The following DIPK2B variants were observed in gnomAD, a reference collection of about 807,000 sequenced individuals.
DIPK2B encodes the protein divergent protein kinase domain 2B, also known as UPF0672 protein CXorf36.
DIPK2B carries 15 observed loss-of-function variants against 22.2 expected under a neutral mutation model. The observed-to-expected ratio is 0.68, with a 90% CI of 0.45 to 1.04. The LOEUF (loss-of-function observed/expected upper bound fraction) is 1.04, where lower values mean the gene tolerates loss of function less well. Among genes scored for constraint, DIPK2B ranks in the 50% least tolerant of loss-of-function variants. The pLI, the probability that DIPK2B is intolerant of heterozygous loss-of-function variation, is 0.00. For missense variants in DIPK2B, 345 were observed against 348.3 expected (o/e 0.99, Z 0.08); for synonymous variants, 163 against 153.2 (o/e 1.06, Z -0.47).
At chrX:45,172,935 G>A (rs1407656137) in intron 2 of DIPK2B, among the ~76,000 whole-genome samples, 2 of 111,491 alleles carry the variant, frequency 1.8e-5, no homozygotes, top group African/African-American at 3.3e-5. Flanking sequence ...CTTCTGCTGT[G>A]CAAAGCTCCT....
intron 1 of DIPK2B, among the ~76,000 whole-genome samples, chrX:45,199,166 A>T (rs751509015): frequency 1.9e-4 from 21 of 112,321 alleles, no homozygotes; most frequent in Admixed American, 1.5e-3. Flanking sequence ...TCCATAAAAT[A>T]CCTCACAAAA....
intron 2 of DIPK2B, chrX:45,164,116 G>A: frequency 9.1e-7 from 1 of 1,093,589 alleles, no homozygotes; most frequent in Non-Finnish European, 1.2e-6. Context: ...TGAAAATGTG[G>A]TTGGTATAAC....
intron 2 of DIPK2B, among the ~76,000 whole-genome samples, chrX:45,172,348 C>G (rs923249762): frequency 1.8e-5 from 2 of 111,666 alleles, no homozygotes; most frequent in Non-Finnish European, 3.8e-5. Flanking sequence ...CACACAGTGT[C>G]ATGCATGGTA....
chrX:45,151,585 C>T lies in DIPK2B; in HGVS notation c.*67G>A, dbSNP rs766487196. The T allele has an allele frequency of 9.6e-7, 1 of 1,045,892 alleles. No homozygotes were observed. 86.2% of individuals were successfully genotyped at this position (1,045,892 alleles called of 1,213,427 possible). ...AAAAGAGCTGCTTCTTTCTACCTTG[C>T]AGCAACCCGACTGGGAGAATGGAGA... On this transcript the variant is annotated 3_prime_UTR_variant, in exon 5 of 5. Coordinates refer to ENST00000398000, the MANE Select transcript of DIPK2B (RefSeq NM_176819.4).
intron 1 of DIPK2B, among the ~76,000 whole-genome samples, chrX:45,199,875 G>A (rs1045469310): frequency 1.8e-5 from 2 of 111,206 alleles, no homozygotes; most frequent in Non-Finnish European, 3.8e-5. Flanking sequence ...AATTCCAAGT[G>A]TGATGCCATT....
intron 2 of DIPK2B, among the ~76,000 whole-genome samples, chrX:45,185,384 G>A (rs141327305): frequency 4.7e-4 from 52 of 111,245 alleles, no homozygotes; most frequent in African/African-American, 1.2e-3. Flanking sequence ...GGGCTTGATT[G>A]GTAACATCTA....
chrX:45,199,456 AC>A (rs1755518935), intron 1 of DIPK2B, among the ~76,000 whole-genome samples: 1 of 110,116 alleles, frequency 9.1e-6, no homozygotes, highest in South Asian at 3.9e-4. Flanking sequence ...GCAATTAAAG[AC>A]CCCCTGCCCC....
At chrX:45,183,215 G>A (rs768226223) in intron 2 of DIPK2B, 38 of 112,058 alleles carry the variant, frequency 3.4e-4, no homozygotes, top group African/African-American at 1.1e-3. Flanking sequence ...ATGAAGGCCC[G>A]ATTTTCATTT....
chrX:45,156,489 G>A (rs747901734), intron 3 of DIPK2B, among the ~76,000 whole-genome samples: 54 of 112,184 alleles, frequency 4.8e-4, no homozygotes, highest in African/African-American at 1.7e-3. Context: ...ATCTGTGAGA[G>A]TGCAGGACAA....
chrX:45,190,781 A>G (rs1257359092), intron 2 of DIPK2B, among the ~76,000 whole-genome samples: 3 of 112,364 alleles, frequency 2.7e-5, no homozygotes, highest in Non-Finnish European at 5.6e-5. Context: ...GTGACACAAG[A>G]TGTACTCATA....
intron 2 of DIPK2B, among the ~76,000 whole-genome samples, chrX:45,185,330 G>A (rs933037917): frequency 8.9e-6 from 1 of 112,026 alleles, no homozygotes; most frequent in Non-Finnish European, 1.9e-5. Flanking sequence ...GATATCAAAG[G>A]AAGAATTGTA....
intron 2 of DIPK2B, among the ~76,000 whole-genome samples, chrX:45,164,810 G>A (rs190126415): frequency 8.9e-6 from 1 of 112,001 alleles, no homozygotes; most frequent in African/African-American, 3.2e-5. Context: ...AGTGGCACAT[G>A]CCTGTAGTCC....
chrX:45,190,679 T>A (rs1282615489), intron 2 of DIPK2B, among the ~76,000 whole-genome samples: 1 of 111,961 alleles, frequency 8.9e-6, no homozygotes, highest in Non-Finnish European at 1.9e-5. Flanking sequence ...CACTTTGCCA[T>A]AGCTTTTAGT....
At chrX:45,158,815 T>C (rs1167862761) in intron 2 of DIPK2B, among the ~76,000 whole-genome samples, 2 of 112,039 alleles carry the variant, frequency 1.8e-5, no homozygotes, top group African/African-American at 6.5e-5. Context: ...AATTAATAGA[T>C]GTTAATTCAC....
intron 2 of DIPK2B, among the ~76,000 whole-genome samples, chrX:45,168,710 C>A (rs1351439855): frequency 8.9e-6 from 1 of 112,098 alleles, no homozygotes; most frequent in African/African-American, 3.2e-5. Flanking sequence ...TTTCCCAGCG[C>A]CTCCCGCATG....
chrX:45,170,457 G>A (rs1273545107), intron 2 of DIPK2B, among the ~76,000 whole-genome samples: 2 of 111,769 alleles, frequency 1.8e-5, no homozygotes, highest in Non-Finnish European at 3.8e-5. Flanking sequence ...CTCTATGGGA[G>A]GGTGATGCTT....
At chrX:45,155,959 CTCTTT>C (rs2046991542) in intron 3 of DIPK2B, among the ~76,000 whole-genome samples, 1 of 63,832 alleles carries the variant, frequency 1.6e-5, no homozygotes, top group African/African-American at 5.8e-5. Flanking sequence ...TAAAGGGGAC[CTCTTT>C]TTTTTTTTTT....
At position 45,151,611 on chromosome X, in the gene DIPK2B, G is replaced by T; in HGVS notation, c.*41C>A. On this transcript the variant is annotated 3_prime_UTR_variant, in exon 5 of 5. Coordinates refer to ENST00000398000, the MANE Select transcript of DIPK2B (RefSeq NM_176819.4). ...AGCAACCCGACTGGGAGAATGGAGA[G>T]CCAAGCGTGTTGTCCCCAAGGCCAG... 1 of 1,149,892 alleles carries T rather than the reference G, an allele frequency of 8.7e-7. No individual in the cohort carries two copies. Among genetic ancestry groups the T allele is most frequent in the Non-Finnish European group, 1.2e-6 (1 of 850,435 alleles). 94.8% of individuals were successfully genotyped at this position (1,149,892 alleles called of 1,213,427 possible).
At chrX:45,163,625 G>A in intron 2 of DIPK2B, 1 of 754,075 alleles carries the variant, frequency 1.3e-6, no homozygotes, top group South Asian at 6.7e-5. Context: ...AAACATAAAA[G>A]ATAGATAGTC....
Sources: allele counts gnomAD v4.1 joint callset (sites outside exome capture counted in the v4.1 genomes callset), GRCh38; gene constraint gnomAD v4.1.1; transcripts MANE v1.5; gene names NCBI Gene and HGNC (gene_info 2026-07-23, HGNC 2026-07-21).